The following STAT1 variants were observed in gnomAD, a reference collection of about 807,000 sequenced individuals.
STAT1 encodes signal transducer and activator of transcription 1-alpha/beta.
A neutral mutation model predicts 111.7 loss-of-function variants in STAT1; 24 were observed. The observed-to-expected ratio is 0.21, with a 90% CI of 0.16 to 0.30. STAT1 has a LOEUF of 0.30. Ranked by LOEUF, STAT1 falls within the 10% of genes least tolerant of loss-of-function variation. The pLI, the probability that STAT1 is intolerant of heterozygous loss-of-function variation, is 1.00. For missense variants in STAT1, 351 were observed against 911.9 expected (o/e 0.38, Z 7.92); for synonymous variants, 332 against 326.5 (o/e 1.02, Z -0.18).
Position 191,007,941 on chromosome 2 carries a change from T to A in STAT1, c.274-280A>T, listed in dbSNP as rs939350539. 6.0e-6 allele frequency: 3 copies of A among 502,538 alleles called. No individual in the cohort carries two copies. In the Admixed American group the frequency reaches 7.8e-5, roughly 13 times the overall value. 31.1% of individuals were successfully genotyped at this position (502,538 alleles called of 1,614,324 possible). On this transcript the variant is annotated intron_variant, in intron 4 of 24. Coordinates refer to ENST00000361099, the MANE Select transcript of STAT1 (RefSeq NM_007315.4). The surrounding 1 kb of genome is among the most constrained non-coding windows in gnomAD (Gnocchi z 4.2). ...CATAATATTTTTACTTTAATATCTTTCCATATTTCTTAAGGCCAATTATCT... is the reference window on the plus strand; with the variant it reads ...CATAATATTTTTACTTTAATATCTTACCATATTTCTTAAGGCCAATTATCT...
chr2:191,013,838 A>G, intron 1 of STAT1, 160 bp from the exon 2 acceptor site: 1 of 393,824 alleles, frequency 2.5e-6, no homozygotes, highest in Non-Finnish European at 4.5e-6. Flanking sequence ...GAGCAGTGCC[A>G]TCTCCGAGAA....
chr2:191,009,939 T>C lies in STAT1; in HGVS notation c.65A>G (p.Tyr22Cys). ...GATTTCCATGGGAAAACTGTCATCA[T>C]AAAGCTGGTGAACCTGCTCCAGGAA... is the stretch of plus-strand genomic sequence containing the variant. ...SKFLEQVHQL[Y>C]DDSFPMEIRQ... The change falls in exon 3 of 25, where the codon TAT becomes TGT. Residue 22 changes from tyrosine to cysteine, a missense_variant. Around this residue, in one of 7 missense-constraint regions of STAT1, gnomAD observed 44 missense variants for 144.2 expected, o/e 0.31. Coordinates refer to ENST00000361099, the MANE Select transcript of STAT1 (RefSeq NM_007315.4). 1 of 1,614,098 alleles carries C rather than the reference T, an allele frequency of 6.2e-7. No homozygotes were observed. Among genetic ancestry groups the C allele is most frequent in the Non-Finnish European group, 8.5e-7 (1 of 1,179,942 alleles).
Position 190,979,101 on chromosome 2 carries a change from A to C in STAT1, c.1728-100T>G. ...AAGAAAATGGCTGGAATGTGAGAAA[A>C]AAAACCTACGGTAAAAAACGTAGAC... is the stretch of plus-strand genomic sequence containing the variant. On this transcript the variant is annotated intron_variant, in intron 20 of 24. Coordinates refer to ENST00000361099, the MANE Select transcript of STAT1 (RefSeq NM_007315.4). The surrounding 1 kb of genome is among the most constrained non-coding windows in gnomAD (Gnocchi z 5.8). 6.7e-7 allele frequency: 1 copy of C among 1,500,358 alleles called. No individual in the cohort carries two copies. The highest frequency in any genetic ancestry group is 9.1e-7 in the Non-Finnish European group (1 of 1,093,268). The allele number at this position is 1,500,358 out of a possible 1,614,324, so 92.9% of individuals were successfully genotyped here.
Position 190,983,494 on chromosome 2 carries a change from C to A in STAT1, c.1446+148G>T. On this transcript the variant is annotated intron_variant, in intron 17 of 24. Coordinates refer to ENST00000361099, the MANE Select transcript of STAT1 (RefSeq NM_007315.4). This position sits in a 1 kb window ranked among gnomAD's most constrained non-coding sequence, Gnocchi z 5.7. ...AATACATATCCATGCTTCATATTCC[C>A]AGATTTACTCAAAAGCCTTAGAAAT... The A allele has an allele frequency of 1.3e-6, 1 of 779,186 alleles. No homozygotes were observed. The highest frequency in any genetic ancestry group is 2.3e-6 in the Non-Finnish European group (1 of 439,760). The allele number at this position is 779,186 out of a possible 1,614,324, so 48.3% of individuals were successfully genotyped here.
In STAT1 at chr2:190,973,759, A is replaced by G. The variant is rs879836906; in HGVS notation, c.2238+1071T>C. 1.3e-5 allele frequency among the ~76,000 whole-genome samples: 2 copies of G among 152,210 alleles called. No individual in the cohort carries two copies. Among genetic ancestry groups the G allele is most frequent in the Non-Finnish European group, 2.9e-5 (2 of 68,032 alleles). On this transcript the variant is annotated intron_variant, in intron 24 of 24. Transcript: ENST00000361099. The surrounding 1 kb of genome is among the most constrained non-coding windows in gnomAD (Gnocchi z 4.4). ...AGCTAACTGTTTTTCTAAATGGCCT[A>G]TTTCGTCAACAACAATCAGGAAAGT... is the stretch of plus-strand genomic sequence containing the variant.
chr2:190,977,984 GA>G lies in STAT1; in HGVS notation c.1873+871del, dbSNP rs1023021432. ...CAGAACAAGAAAGAATACCGTTCCA[GA>G]AAAAAAAAATAGAAGAGTATTCCAG... is the stretch of plus-strand genomic sequence containing the variant. On this transcript the variant is annotated intron_variant, in intron 21 of 24. Transcript: ENST00000361099. The surrounding 1 kb of genome is among the most constrained non-coding windows in gnomAD (Gnocchi z 4.7). Among the ~76,000 whole-genome samples the G allele has an allele frequency of 2.2e-4, 32 of 144,836 alleles. No individual in the cohort carries two copies. Among genetic ancestry groups the G allele is most frequent in the African/African-American group, 3.8e-4 (15 of 39,420 alleles).
rs1574666913 is a variant in STAT1, at chr2:191,003,564, G to A, written c.373-2401C>T. Among the ~76,000 whole-genome samples the A allele has an allele frequency of 6.6e-6, 1 of 152,100 alleles. No homozygotes were observed. Among genetic ancestry groups the A allele is most frequent in the African/African-American group, 2.4e-5 (1 of 41,402 alleles). On this transcript the variant is annotated intron_variant, in intron 5 of 24. Coordinates refer to ENST00000361099, the MANE Select transcript of STAT1 (RefSeq NM_007315.4). This position sits in a 1 kb window ranked among gnomAD's most constrained non-coding sequence, Gnocchi z 4.0. ...TTCTCACAAGATCTGGTTAAGTGTG[G>A]AGCACCTCTCCCCTGCTTCCTCCTG...
chr2:190,998,292 A>T lies in STAT1; in HGVS notation c.558T>A (p.Gly186=), dbSNP rs1209633553. ...TLQNREHETN[G]VAKSDQKQEQ... The stretch of plus-strand genomic sequence containing the variant: ...CTTGTTTCTGATCACTCTTTGCCAC[A>T]CCATTGGTCTCGTGTTCTATAAATT... The change falls in exon 8 of 25, where the codon GGT becomes GGA. Residue 186 remains glycine (G), a synonymous_variant. Coordinates refer to ENST00000361099, the MANE Select transcript of STAT1 (RefSeq NM_007315.4). This position sits in a 1 kb window ranked among gnomAD's most constrained non-coding sequence, Gnocchi z 4.1. The T allele has an allele frequency of 6.2e-7, 1 of 1,613,636 alleles. No individual in the cohort carries two copies. The highest frequency in any genetic ancestry group is 2.2e-5 in the East Asian group (1 of 44,864).
rs1365144797 is a variant in STAT1 at position 190,994,937 on chromosome 2, T to A, written c.944+124A>T. On this transcript the variant is annotated intron_variant, in intron 10 of 24. Coordinates refer to ENST00000361099, the MANE Select transcript of STAT1 (RefSeq NM_007315.4). ...CTCAAAAAAAAAAAAAATATATATA[T>A]ATATATATATATATATATATAAAAA... 486 of 167,430 alleles carry A rather than the reference T, an allele frequency of 2.9e-3. 6 individuals carry two copies. The highest frequency in any genetic ancestry group is 0.015 in the African/African-American group (396 of 26,618). 10.4% of individuals were successfully genotyped at this position (167,430 alleles called of 1,614,324 possible).
rs533327727 is a variant in STAT1 at position 190,971,079 on chromosome 2, G to A, written c.2239-362C>T. Among the ~76,000 whole-genome samples, 18 of 152,320 alleles carry A rather than the reference G, an allele frequency of 1.2e-4. No individual in the cohort carries two copies. The highest frequency in any genetic ancestry group is 4.3e-4 in the African/African-American group (18 of 41,564). On this transcript the variant is annotated intron_variant, in intron 24 of 24. Coordinates refer to ENST00000361099, the MANE Select transcript of STAT1 (RefSeq NM_007315.4). The surrounding 1 kb of genome is among the most constrained non-coding windows in gnomAD (Gnocchi z 4.1). ...TGCTGAGCCATATGCCAGAGGGAGA[G>A]AGGAAGGAGAGGGAAATGATACACT...
Position 190,982,490 on chromosome 2 carries a change from C to G in STAT1, c.1475G>C (p.Cys492Ser). ...RNLSFFLTPPCARWAQLSEVL... is the reference protein window; with the variant it reads ...RNLSFFLTPPSARWAQLSEVL... ...TTCTGAAAGCTGAGCCCATCGTGCACATGGTGGAGTCAGGAAGAAGGACAG... is the reference window on the plus strand; with the variant it reads ...TTCTGAAAGCTGAGCCCATCGTGCAGATGGTGGAGTCAGGAAGAAGGACAG... The change falls in exon 18 of 25, where the codon TGT becomes TCT. Residue 492 changes from cysteine (C) to serine (S), a missense_variant. Physicochemically the swap from Cys to Ser is moderately radical, Grantham distance 112. Around this residue, in one of 7 missense-constraint regions of STAT1, gnomAD observed 181 missense variants for 426.1 expected, o/e 0.42. Transcript: ENST00000361099. The surrounding 1 kb of genome is among the most constrained non-coding windows in gnomAD (Gnocchi z 7.3). The G allele has an allele frequency of 2.5e-6, 4 of 1,614,160 alleles. No homozygotes were observed. Among genetic ancestry groups the G allele is most frequent in the Non-Finnish European group, 3.4e-6 (4 of 1,180,014 alleles).
At position 190,975,608 on chromosome 2, in the gene STAT1, T is replaced by C. The variant is rs1691843405; in HGVS notation, c.2135+204A>G. ...TTTGGGAAAATTTATATACCTTAAA[T>C]ACAAATTTGGTTTTTGGCTTTTTTT... On this transcript the variant is annotated intron_variant, in intron 23 of 24. Coordinates refer to ENST00000361099, the MANE Select transcript of STAT1 (RefSeq NM_007315.4). This position sits in a 1 kb window ranked among gnomAD's most constrained non-coding sequence, Gnocchi z 5.9. 7.0e-6 allele frequency: 10 copies of C among 1,435,674 alleles called. No homozygotes were observed. The highest frequency in any genetic ancestry group is 9.1e-6 in the Non-Finnish European group (10 of 1,099,198). The allele number at this position is 1,435,674 out of a possible 1,614,324, so 88.9% of individuals were successfully genotyped here.
chr2:190,993,749 CA>C lies in STAT1; in HGVS notation c.944+1311del, dbSNP rs1213134147. ...GCCGCTGCCACTCAGCTATTGCTTC[CA>C]CCCAAAATCAAGTACATTTTTATCA... On this transcript the variant is annotated intron_variant, in intron 10 of 24. Coordinates refer to ENST00000361099, the MANE Select transcript of STAT1 (RefSeq NM_007315.4). The surrounding 1 kb of genome is among the most constrained non-coding windows in gnomAD (Gnocchi z 4.1). Among the ~76,000 whole-genome samples, 1 of 151,872 alleles carries C rather than the reference CA, an allele frequency of 6.6e-6. No homozygotes were observed. The highest frequency in any genetic ancestry group is 1.5e-5 in the Non-Finnish European group (1 of 67,986).
intron 3 of STAT1, among the ~76,000 whole-genome samples, chr2:191,009,521 T>C (rs45539732): frequency 0.019 from 2,861 of 152,368 alleles, 41 homozygotes; most frequent in Non-Finnish European, 0.031. Flanking sequence ...TGTTTAACCA[T>C]TAATTTGGCT....
Position 190,978,000 on chromosome 2 carries a change from G to T in STAT1, c.1873+856C>A, listed in dbSNP as rs1692042463. 6.6e-6 allele frequency among the ~76,000 whole-genome samples: 1 copy of T among 151,314 alleles called. No homozygotes were observed. Among genetic ancestry groups the T allele is most frequent in the Admixed American group, 6.6e-5 (1 of 15,202 alleles). On this transcript the variant is annotated intron_variant, in intron 21 of 24. Transcript: ENST00000361099. The surrounding 1 kb of genome is among the most constrained non-coding windows in gnomAD (Gnocchi z 4.7). ...ACCGTTCCAGAAAAAAAAAATAGAA[G>T]AGTATTCCAGAAAAACAAACAGAAC...
At position 190,980,590 on chromosome 2, in the gene STAT1, T is replaced by TA. The variant is rs773264568; in HGVS notation, c.1632+29dup. 2 of 1,611,856 alleles carry TA rather than the reference T, an allele frequency of 1.2e-6. No individual in the cohort carries two copies. Among genetic ancestry groups the TA allele is most frequent in the African/African-American group, 2.7e-5 (2 of 74,964 alleles). On this transcript the variant is annotated intron_variant, in intron 19 of 24. Coordinates refer to ENST00000361099, the MANE Select transcript of STAT1 (RefSeq NM_007315.4). This position sits in a 1 kb window ranked among gnomAD's most constrained non-coding sequence, Gnocchi z 6.1. Reference sequence around the variant, plus strand: ...ACCTCAACCAAGAGCAAAAAGGACTTAGAGAGCATAAAACCCAGACAGTCC... The same window carrying TA: ...ACCTCAACCAAGAGCAAAAAGGACTTAAGAGAGCATAAAACCCAGACAGTCC...
intron 5 of STAT1, among the ~76,000 whole-genome samples, chr2:191,005,077 A>C (rs1694578354): frequency 6.6e-6 from 1 of 152,238 alleles, no homozygotes; most frequent in African/African-American, 2.4e-5. Flanking sequence ...AACAATGGGA[A>C]CAATAATTTC....
At chr2:191,009,166 C>G in intron 3 of STAT1, 59 bp from the exon 4 acceptor site, 1 of 1,574,360 alleles carries the variant, frequency 6.4e-7, no homozygotes, top group Non-Finnish European at 8.7e-7. Flanking sequence ...GTAAAACAGA[C>G]AAAACAAATG....
chr2:190,997,731 G>T lies in STAT1; in HGVS notation c.785+125C>A. 1 of 1,426,130 alleles carries T rather than the reference G, an allele frequency of 7.0e-7. No individual in the cohort carries two copies. The highest frequency in any genetic ancestry group is 9.7e-7 in the Non-Finnish European group (1 of 1,029,432). The allele number at this position is 1,426,130 out of a possible 1,614,324, so 88.3% of individuals were successfully genotyped here. On this transcript the variant is annotated intron_variant, in intron 9 of 24. Coordinates refer to ENST00000361099, the MANE Select transcript of STAT1 (RefSeq NM_007315.4). The surrounding 1 kb of genome is among the most constrained non-coding windows in gnomAD (Gnocchi z 7.3). ...GTGTTTCCAGGGTAAGCAGAAGCTG[G>T]ACTATGTCAAACTCTATACTAATGT...
Sources: allele counts gnomAD v4.1 joint callset (sites outside exome capture counted in the v4.1 genomes callset), GRCh38; gene constraint gnomAD v4.1.1; regional missense constraint gnomAD v4.1.1; non-coding constraint Gnocchi (gnomAD v3.1); transcripts MANE v1.5; gene names NCBI Gene and HGNC (gene_info 2026-07-23, HGNC 2026-07-21).